Variants in EFCAB5 observed in about 807,000 individuals in gnomAD.
The protein encoded by EFCAB5 is EF-hand calcium-binding domain-containing protein 5.
EFCAB5 carries 131 observed loss-of-function variants against 167.9 expected under a neutral mutation model. The ratio of observed to expected loss-of-function variants is 0.78; its 90% CI spans 0.68 to 0.90. EFCAB5 has a LOEUF of 0.90. Ranked by LOEUF, EFCAB5 falls within the 40% of genes least tolerant of loss-of-function variation. The pLI is 0.00. For missense variants in EFCAB5, 1,663 were observed against 1,745.2 expected, an observed-to-expected ratio of 0.95 and a Z score of 0.84; for synonymous variants, 574 against 602.8, an observed-to-expected ratio of 0.95 and a Z score of 0.70.
At position 29,993,217 on chromosome 17, in the gene EFCAB5, A is replaced by C. The variant is rs761190040; in HGVS notation, c.820A>C (p.Ile274Leu). The C allele has an allele frequency of 3.7e-6, 6 of 1,613,780 alleles. No individual in the cohort carries two copies. Among genetic ancestry groups the C allele is most frequent in the Non-Finnish European group, 5.1e-6 (6 of 1,179,790 alleles). The change falls in exon 5 of 23, where the codon ATA becomes CTA. Residue 274 changes from isoleucine to leucine, a missense_variant. Physicochemically the swap from Ile to Leu is conservative, Grantham distance 5. Coordinates refer to ENST00000394835, the MANE Select transcript of EFCAB5 (RefSeq NM_198529.4). ...ACAGAATAGAAAACAAAGAGAAAGC[A>C]TAGACAAAATCATAGTCAAGGTGGC... ...VKQNRKQRES[I>L]DKIIVKVANT...
chr17:29,943,639 C>T lies in EFCAB5; in HGVS notation c.180C>T (p.Ile60=). 1 of 1,575,448 alleles carries T rather than the reference C, an allele frequency of 6.3e-7. No individual in the cohort carries two copies. Among genetic ancestry groups the T allele is most frequent in the Non-Finnish European group, 8.6e-7 (1 of 1,159,852 alleles). Residue 60 remains isoleucine, a synonymous_variant, in exon 3 of 23, where the codon ATC becomes ATT. Coordinates refer to ENST00000394835, the MANE Select transcript of EFCAB5 (RefSeq NM_198529.4). ...NSVVEKAMDE[I]KSQELNLEGQ... ...TGGTGGAGAAAGCAATGGATGAAAT[C>T]AAATCCCAAGGTAGAGAACTAGCCT...
In EFCAB5 at chr17:30,078,355, T is replaced by C; in HGVS notation, c.2878T>C (p.Phe960Leu). The change falls in exon 15 of 23, where the codon TTT becomes CTT. Residue 960 changes from phenylalanine to leucine, a missense_variant. Coordinates refer to ENST00000394835, the MANE Select transcript of EFCAB5 (RefSeq NM_198529.4). ...CCAAGTTCTGGAAAGTGTTGTGGAA[T>C]TTCTGATGAATGCTTTAGAGAGGAG... Reference protein sequence around the residue: ...EDQVLESVVEFLMNALERSHI... With the variant: ...EDQVLESVVELLMNALERSHI... 6.2e-7 allele frequency: 1 copy of C among 1,613,992 alleles called. No homozygotes were observed. The highest frequency in any genetic ancestry group is 8.5e-7 in the Non-Finnish European group (1 of 1,179,880).
intron 7 of EFCAB5, among the ~76,000 whole-genome samples, chr17:30,032,598 G>C (rs2069507035): frequency 6.6e-6 from 1 of 152,114 alleles, no homozygotes; most frequent in African/African-American, 2.4e-5. Flanking sequence ...TGTACAAACA[G>C]ACCTTGTTAA....
intron 7 of EFCAB5, among the ~76,000 whole-genome samples, chr17:30,018,263 GT>G (rs2069095439): frequency 6.7e-6 from 1 of 150,274 alleles, no homozygotes; most frequent in South Asian, 2.1e-4. Context: ...ATTGTTCTAT[GT>G]TCTGTTATTA....
chr17:29,961,000 G>A (rs892896271), intron 3 of EFCAB5, among the ~76,000 whole-genome samples: 11 of 152,048 alleles, frequency 7.2e-5, no homozygotes, highest in African/African-American at 1.2e-4. Context: ...CCAGCTCTAC[G>A]TTTAATGTTT....
chr17:30,078,870 G>A (rs1036083048), intron 15 of EFCAB5, among the ~76,000 whole-genome samples: 1 of 152,172 alleles, frequency 6.6e-6, no homozygotes, highest in Admixed American at 6.5e-5. Context: ...CCCTTGCATG[G>A]TATTTTGGGA....
At chr17:30,092,358 C>A (rs958610564) in intron 21 of EFCAB5, among the ~76,000 whole-genome samples, 2 of 152,128 alleles carry the variant, frequency 1.3e-5, no homozygotes, top group African/African-American at 4.8e-5. Context: ...CCTTCCTCAT[C>A]ATCCCTTCAC....
At chr17:30,039,417 A>C (rs1200169438) in intron 8 of EFCAB5, among the ~76,000 whole-genome samples, 3 of 152,188 alleles carry the variant, frequency 2.0e-5, no homozygotes, top group South Asian at 2.1e-4. Flanking sequence ...AGTGTAACCA[A>C]ATCAGATTCA....
chr17:30,070,949 C>CAAAAAAA, intron 14 of EFCAB5, among the ~76,000 whole-genome samples: 1 of 60,186 alleles, frequency 1.7e-5, no homozygotes, highest in Non-Finnish European at 2.8e-5. Flanking sequence ...GATTCCATCT[C>CAAAAAAA]AAAAAAAAAA....
intron 7 of EFCAB5, among the ~76,000 whole-genome samples, chr17:30,009,751 T>TTG (rs2068852026): frequency 6.6e-6 from 1 of 152,324 alleles, no homozygotes; most frequent in East Asian, 1.9e-4. Flanking sequence ...GGGAGTGGAA[T>TTG]TGTTGGGTCA....
At chr17:30,073,661 T>C in intron 14 of EFCAB5, 1 of 713,802 alleles carries the variant, frequency 1.4e-6, no homozygotes, top group East Asian at 2.7e-5. Flanking sequence ...AAGAAGGAAG[T>C]TTTTTCCTCT....
chr17:30,068,532 G>A, intron 14 of EFCAB5: 1 of 654,642 alleles, frequency 1.5e-6, no homozygotes, highest in African/African-American at 1.8e-5. Context: ...CATGTTCATG[G>A]ATTGGAAGAA....
intron 8 of EFCAB5, among the ~76,000 whole-genome samples, chr17:30,044,255 T>A (rs557941957): frequency 1.3e-5 from 2 of 152,048 alleles, no homozygotes; most frequent in East Asian, 3.9e-4. Context: ...CACAGTGAGA[T>A]AAAAATTAAA....
intron 3 of EFCAB5, among the ~76,000 whole-genome samples, chr17:29,959,775 G>C (rs1338713264): frequency 6.6e-6 from 1 of 151,930 alleles, no homozygotes; most frequent in African/African-American, 2.4e-5. Context: ...CCGAAGCTAC[G>C]AGCTGCACTG....
chr17:29,939,583 A>G (rs1012081926), upstream of EFCAB5, among the ~76,000 whole-genome samples: 32 of 152,218 alleles, frequency 2.1e-4, no homozygotes, highest in African/African-American at 5.5e-4. Context: ...TCTTAGTTAT[A>G]TCTTTTGGGT....
At chr17:30,003,355 C>A (rs554841510) in intron 7 of EFCAB5, among the ~76,000 whole-genome samples, 2 of 152,206 alleles carry the variant, frequency 1.3e-5, no homozygotes, top group South Asian at 4.2e-4. Context: ...CCCACTTTAG[C>A]CTCTCAAGTA....
intron 4 of EFCAB5, among the ~76,000 whole-genome samples, chr17:29,989,393 C>A (rs186230312): frequency 1.3e-5 from 2 of 152,308 alleles, no homozygotes; most frequent in East Asian, 3.9e-4. Flanking sequence ...ATACGTCTGG[C>A]AAATTGTTGG....
intron 4 of EFCAB5, among the ~76,000 whole-genome samples, chr17:29,979,890 C>T (rs1198160622): frequency 1.3e-5 from 2 of 152,078 alleles, no homozygotes; most frequent in Admixed American, 1.3e-4. Context: ...ACTTACTAGC[C>T]GGCCACGGTG....
chr17:29,940,107 C>T (rs1013259803), upstream of EFCAB5, among the ~76,000 whole-genome samples: 4 of 147,226 alleles, frequency 2.7e-5, no homozygotes, highest in Admixed American at 2.7e-4. Context: ...GATGGAGTTT[C>T]GCTCATTGCC....
Sources: gnomAD v4.1 joint callset for allele counts (sites outside exome capture counted in the v4.1 genomes callset) on GRCh38, gnomAD v4.1.1 for gene constraint, MANE v1.5 for transcripts, NCBI Gene and HGNC (gene_info 2026-07-23, HGNC 2026-07-21) for gene names.